The following SGCZ variants were observed in gnomAD, a reference collection of about 807,000 sequenced individuals.
The protein encoded by SGCZ is zeta-sarcoglycan.
In SGCZ, 40 loss-of-function variants were observed where a neutral mutation model predicts 41.3. That is an observed-to-expected ratio of 0.97 (90% CI 0.75 to 1.26). SGCZ has a LOEUF of 1.26. Ranked by LOEUF, SGCZ falls within the 50% of genes most tolerant of loss-of-function variation. The pLI is 0.00. For synonymous variants in SGCZ, 206 were observed against 137.5 expected, an observed-to-expected ratio of 1.50 and a Z score of -3.49; for missense variants, 552 against 369.8, an observed-to-expected ratio of 1.49 and a Z score of -4.04.
At chr8:14,900,027 C>G (rs550185897) in intron 1 of SGCZ, among the ~76,000 whole-genome samples, 2 of 151,932 alleles carry the variant, frequency 1.3e-5, no homozygotes, top group South Asian at 4.1e-4. Context: ...TTTCAGTGAA[C>G]CAGATTTTTC....
chr8:14,323,950 A>G (rs559351136), intron 3 of SGCZ, among the ~76,000 whole-genome samples, 153 bp downstream of exon 3: 1 of 152,184 alleles, frequency 6.6e-6, no homozygotes, highest in Admixed American at 6.5e-5. Context: ...CTGATTTTCA[A>G]TGATGTTATC....
chr8:14,859,491 C>G (rs574479332), intron 1 of SGCZ, among the ~76,000 whole-genome samples: 1 of 152,232 alleles, frequency 6.6e-6, no homozygotes, highest in Admixed American at 6.5e-5. Flanking sequence ...ACATTGGACT[C>G]TTCTTTGGAA....
At chr8:14,327,521 A>C (rs1437088107) in intron 2 of SGCZ, among the ~76,000 whole-genome samples, 1 of 152,156 alleles carries the variant, frequency 6.6e-6, no homozygotes, top group Admixed American at 6.5e-5. Flanking sequence ...AATGGAAACT[A>C]GTTCTAACAC....
At chr8:14,591,424 T>G (rs1805236341) in intron 1 of SGCZ, among the ~76,000 whole-genome samples, 1 of 152,030 alleles carries the variant, frequency 6.6e-6, no homozygotes, top group Admixed American at 6.6e-5. Flanking sequence ...TTTCCTAGAT[T>G]TGCTAATAGT....
At chr8:14,554,503 C>T (rs1263511544) in intron 2 of SGCZ, among the ~76,000 whole-genome samples, 1 of 151,944 alleles carries the variant, frequency 6.6e-6, no homozygotes, top group Non-Finnish European at 1.5e-5. Flanking sequence ...GCTGTACTGT[C>T]TCGTGATCTA....
chr8:14,515,513 G>A lies in SGCZ; in HGVS notation c.234+39219C>T, dbSNP rs549018998. On this transcript the variant is annotated intron_variant, in intron 2 of 7. Coordinates refer to ENST00000382080, the MANE Select transcript of SGCZ (RefSeq NM_139167.4). ...TCTGTGAATATTTCTATATAGTCAA[G>A]TACCTTATTTCTTTCACAATATCTA... is the stretch of plus-strand genomic sequence containing the variant. Among the ~76,000 whole-genome samples the A allele has an allele frequency of 4.2e-4, 64 of 152,054 alleles. 1 individual carries two copies. The South Asian group carries it at 0.013, about 31-fold the overall frequency.
At chr8:14,251,359 A>T (rs1312087954) in intron 3 of SGCZ, among the ~76,000 whole-genome samples, 2 of 152,244 alleles carry the variant, frequency 1.3e-5, no homozygotes, top group African/African-American at 4.8e-5. Flanking sequence ...GCCAACTTTT[A>T]TTTTCAAGAG....
At chr8:15,076,147 C>G (rs1241821098) in intron 1 of SGCZ, among the ~76,000 whole-genome samples, 1 of 152,104 alleles carries the variant, frequency 6.6e-6, no homozygotes, top group African/African-American at 2.4e-5. Context: ...TACAAAATAT[C>G]TGAAGATATT....
intron 1 of SGCZ, among the ~76,000 whole-genome samples, chr8:14,727,065 G>C (rs911969384): frequency 6.6e-6 from 1 of 151,800 alleles, no homozygotes. Flanking sequence ...AGCTTATCCG[G>C]CAAAAGACAT....
At chr8:14,744,064 C>G (rs1799275018) in intron 1 of SGCZ, among the ~76,000 whole-genome samples, 1 of 152,034 alleles carries the variant, frequency 6.6e-6, no homozygotes, top group Admixed American at 6.6e-5. Flanking sequence ...TGAATAGCCA[C>G]AGGGTTAGAT....
chr8:14,112,803 G>A (rs577313601), intron 5 of SGCZ, among the ~76,000 whole-genome samples: 2 of 152,004 alleles, frequency 1.3e-5, no homozygotes, highest in Admixed American at 6.6e-5. Flanking sequence ...TTTCAAACAC[G>A]TCAAAACTTG....
At position 14,249,953 on chromosome 8, in the gene SGCZ, C is replaced by A. The variant is rs568651353; in HGVS notation, c.337-12274G>T. Among the ~76,000 whole-genome samples the A allele has an allele frequency of 4.6e-5, 7 of 152,134 alleles. No individual in the cohort carries two copies. The East Asian group carries it at 1.2e-3, about 25-fold the overall frequency. On this transcript the variant is annotated intron_variant, in intron 3 of 7. Coordinates refer to ENST00000382080, the MANE Select transcript of SGCZ (RefSeq NM_139167.4). ...GGGCAAACATTAAGAATATGTCAGA[C>A]CAAATAGCACAAGACACAACTAAGA...
In SGCZ at chr8:14,781,087, A is replaced by T. The variant is rs1800573789; in HGVS notation, c.40-226161T>A. Among the ~76,000 whole-genome samples the T allele has an allele frequency of 1.3e-5, 2 of 152,206 alleles. 1 individual carries two copies. Among genetic ancestry groups the T allele is most frequent in the South Asian group, 4.1e-4 (2 of 4,836 alleles). On this transcript the variant is annotated intron_variant, in intron 1 of 7. Coordinates refer to ENST00000382080, the MANE Select transcript of SGCZ (RefSeq NM_139167.4). ...GTGTATATGCCTGAGGGATGCAGTC[A>T]GCATTCTGACTCAGTATTACCATCA... is the stretch of plus-strand genomic sequence containing the variant.
chr8:14,349,161 A>T (rs1388374609), intron 2 of SGCZ, among the ~76,000 whole-genome samples: 3 of 152,158 alleles, frequency 2.0e-5, no homozygotes, highest in Admixed American at 6.6e-5. Flanking sequence ...TAGGAAACAC[A>T]TCCTAACCAA....
At chr8:14,324,510 T>G (rs1055038637) in intron 2 of SGCZ, among the ~76,000 whole-genome samples, 1 of 152,180 alleles carries the variant, frequency 6.6e-6, no homozygotes, top group Non-Finnish European at 1.5e-5. Context: ...AACTATTTAT[T>G]TTGTATAATG....
At chr8:14,965,282 G>C (rs1801096682) in intron 1 of SGCZ, among the ~76,000 whole-genome samples, 1 of 152,086 alleles carries the variant, frequency 6.6e-6, no homozygotes, top group Admixed American at 6.6e-5. Context: ...AAACTGGTAG[G>C]TGCGATGTTT....
At chr8:14,330,437 C>G (rs141745663) in intron 2 of SGCZ, among the ~76,000 whole-genome samples, 1 of 151,620 alleles carries the variant, frequency 6.6e-6, no homozygotes, top group Admixed American at 6.6e-5. Context: ...GCATAATTTT[C>G]TTTTTTTTGA....
At chr8:15,081,682 TGAA>T (rs1443187614) in intron 1 of SGCZ, among the ~76,000 whole-genome samples, 1 of 152,154 alleles carries the variant, frequency 6.6e-6, no homozygotes, top group Non-Finnish European at 1.5e-5. Context: ...TTAGTGATAA[TGAA>T]GGGAATGTAC....
At chr8:14,337,931 G>C (rs369906044) in intron 2 of SGCZ, among the ~76,000 whole-genome samples, 15 of 152,234 alleles carry the variant, frequency 9.9e-5, no homozygotes, top group South Asian at 4.1e-4. Context: ...CCAGGTCAGA[G>C]GGACAACCAG....
Sources: gnomAD v4.1 joint callset for allele counts (sites outside exome capture counted in the v4.1 genomes callset) on GRCh38, gnomAD v4.1.1 for gene constraint, MANE v1.5 for transcripts, NCBI Gene and HGNC (gene_info 2026-07-23, HGNC 2026-07-21) for gene names.